The following LRRTM4 variants were observed in gnomAD, a reference collection of about 807,000 sequenced individuals.
LRRTM4 encodes leucine-rich repeat transmembrane neuronal protein 4.
LRRTM4 carries 25 observed loss-of-function variants against 47.6 expected under a neutral mutation model. That is an observed-to-expected ratio of 0.53 (90% CI 0.38 to 0.73). The LOEUF is 0.73. LRRTM4 is among the 30% of genes least tolerant of loss of function. The pLI is 0.00. For synonymous variants in LRRTM4, 311 were observed against 269.5 expected (o/e 1.15, Z -1.51); for missense variants, 638 against 713.4 (o/e 0.89, Z 1.20).
intron 3 of LRRTM4, among the ~76,000 whole-genome samples, chr2:77,495,190 G>T (rs1285194933): frequency 4.2e-5 from 6 of 143,024 alleles, no homozygotes; most frequent in Non-Finnish European, 9.5e-5. Context: ...ACCTGGTTAG[G>T]TTCATGTTTA....
At chr2:77,120,765 A>G (rs1254635830) in intron 3 of LRRTM4, among the ~76,000 whole-genome samples, 2 of 151,820 alleles carry the variant, frequency 1.3e-5, no homozygotes, top group African/African-American at 4.8e-5. Flanking sequence ...ACATTGAAAA[A>G]ATATCTTTGA....
chr2:77,068,723 T>A (rs1211270401), intron 3 of LRRTM4, among the ~76,000 whole-genome samples: 2 of 152,210 alleles, frequency 1.3e-5, no homozygotes, highest in South Asian at 2.1e-4. Context: ...TGATTGACAT[T>A]TGAGGTGTGT....
chr2:76,802,018 T>C (rs1675717929), intron 3 of LRRTM4, among the ~76,000 whole-genome samples: 1 of 152,122 alleles, frequency 6.6e-6, no homozygotes, highest in Non-Finnish European at 1.5e-5. Context: ...TAACATCATA[T>C]TCAACGGTGA....
intron 3 of LRRTM4, among the ~76,000 whole-genome samples, chr2:76,909,594 AT>A (rs1673975663): frequency 6.6e-6 from 1 of 152,084 alleles, no homozygotes. Context: ...CAACCTACTC[AT>A]TTGACAAAGG....
At chr2:77,022,695 G>GC (rs1678316443) in intron 3 of LRRTM4, among the ~76,000 whole-genome samples, 1 of 152,180 alleles carries the variant, frequency 6.6e-6, no homozygotes, top group South Asian at 2.1e-4. Flanking sequence ...TCCTTTGACT[G>GC]CAGGTTTCAT....
chr2:77,442,609 G>C (rs1172570476), intron 3 of LRRTM4, among the ~76,000 whole-genome samples: 1 of 152,154 alleles, frequency 6.6e-6, no homozygotes, highest in Non-Finnish European at 1.5e-5. Flanking sequence ...CAAGATCTTA[G>C]TATGTGTTAA....
At chr2:76,921,002 A>C (rs1437091395) in intron 3 of LRRTM4, among the ~76,000 whole-genome samples, 1 of 152,038 alleles carries the variant, frequency 6.6e-6, no homozygotes, top group African/African-American at 2.4e-5. Context: ...CTTTCATTGG[A>C]ATGGTTCACT....
intron 3 of LRRTM4, among the ~76,000 whole-genome samples, chr2:77,496,943 G>T (rs1678386466): frequency 6.6e-6 from 1 of 151,562 alleles, no homozygotes. Context: ...TTATGTGTGG[G>T]TAAGCTTGTA....
intron 3 of LRRTM4, among the ~76,000 whole-genome samples, chr2:77,089,474 C>T (rs1680853476): frequency 6.6e-6 from 1 of 151,778 alleles, no homozygotes; most frequent in East Asian, 2.0e-4. Flanking sequence ...TTTCCGTGCC[C>T]CGACCTCTTA....
chr2:77,454,685 T>C (rs1218936674), intron 3 of LRRTM4, among the ~76,000 whole-genome samples: 1 of 152,152 alleles, frequency 6.6e-6, no homozygotes, highest in Non-Finnish European at 1.5e-5. Context: ...TTAAATTTGT[T>C]TTTTGGTTCT....
At chr2:76,881,008 G>A (rs1385624133) in intron 3 of LRRTM4, among the ~76,000 whole-genome samples, 2 of 152,078 alleles carry the variant, frequency 1.3e-5, no homozygotes, top group African/African-American at 4.8e-5. Flanking sequence ...TAGATAGGAG[G>A]ATTAAATTCT....
chr2:77,133,092 A>G (rs1226364959), intron 3 of LRRTM4, among the ~76,000 whole-genome samples: 1 of 152,156 alleles, frequency 6.6e-6, no homozygotes, highest in African/African-American at 2.4e-5. Flanking sequence ...TGCCCAGAAA[A>G]TTTACTTCAA....
intron 3 of LRRTM4, among the ~76,000 whole-genome samples, chr2:76,807,285 A>T (rs2103799312): frequency 6.6e-6 from 1 of 151,406 alleles, no homozygotes; most frequent in East Asian, 1.9e-4. Flanking sequence ...GTATGCCCTC[A>T]TTGTTTAGCA....
At chr2:77,254,255 ATTTT>A (rs1374567187) in intron 3 of LRRTM4, among the ~76,000 whole-genome samples, 1 of 151,974 alleles carries the variant, frequency 6.6e-6, no homozygotes, top group Non-Finnish European at 1.5e-5. Flanking sequence ...GTGGTATCAC[ATTTT>A]TTAAATGCCT....
intron 3 of LRRTM4, among the ~76,000 whole-genome samples, chr2:77,101,035 C>T (rs568628591): frequency 1.9e-4 from 29 of 152,014 alleles, no homozygotes; most frequent in African/African-American, 6.3e-4. Context: ...CGGGGTTTCA[C>T]CACATTGGCC....
At chr2:77,075,482 G>T (rs377419466) in intron 3 of LRRTM4, among the ~76,000 whole-genome samples, 3 of 152,078 alleles carry the variant, frequency 2.0e-5, no homozygotes, top group East Asian at 3.9e-4. Context: ...AGCCAAGGTG[G>T]CAGCAATACT....
intron 3 of LRRTM4, among the ~76,000 whole-genome samples, chr2:77,283,334 G>C (rs1357080819): frequency 6.6e-6 from 1 of 151,950 alleles, no homozygotes; most frequent in Non-Finnish European, 1.5e-5. Flanking sequence ...AAGAGATTCT[G>C]GTGGGGCTGC....
intron 3 of LRRTM4, among the ~76,000 whole-genome samples, chr2:76,888,522 G>C (rs1673150498): frequency 6.6e-6 from 1 of 151,362 alleles, no homozygotes; most frequent in African/African-American, 2.4e-5. Flanking sequence ...ACATCTCTCA[G>C]TATTAATAAA....
intron 3 of LRRTM4, among the ~76,000 whole-genome samples, chr2:76,794,276 G>C (rs1291341704): frequency 1.3e-5 from 2 of 152,188 alleles, no homozygotes; most frequent in East Asian, 3.9e-4. Context: ...AAGGAGCTGT[G>C]TCCTTAGATC....
Sources: gnomAD v4.1 joint callset for allele counts (sites outside exome capture counted in the v4.1 genomes callset) on GRCh38, gnomAD v4.1.1 for gene constraint, MANE v1.5 for transcripts, NCBI Gene and HGNC (gene_info 2026-07-23, HGNC 2026-07-21) for gene names.